The following PTAFR variants were observed in gnomAD, a reference collection of about 807,000 sequenced individuals.
PTAFR encodes platelet-activating factor receptor.
A neutral mutation model predicts 14.7 loss-of-function variants in PTAFR; 8 were observed. That is an observed-to-expected ratio of 0.54 (90% CI 0.32 to 0.98). The LOEUF (loss-of-function observed/expected upper bound fraction) is 0.98, where lower values mean the gene tolerates loss of function less well. PTAFR is among the 50% of genes least tolerant of loss of function. PTAFR has a pLI of 0.04. For synonymous variants in PTAFR, 156 were observed against 176.5 expected (o/e 0.88, Z 0.92); for missense variants, 337 against 451.2 (o/e 0.75, Z 2.29).
At chr1:28,184,920 G>T (rs1380286147) in intron 1 of PTAFR, among the ~76,000 whole-genome samples, 2 of 151,768 alleles carry the variant, frequency 1.3e-5, no homozygotes, top group South Asian at 4.2e-4. Context: ...GATTACAGGC[G>T]TAAGCCACCA....
At position 28,154,829 on chromosome 1, in the gene PTAFR, A is replaced by AAG. The variant is rs1553164372; in HGVS notation, c.-38-3771_-38-3770insCT. On this transcript the variant is annotated intron_variant, in intron 1 of 1. Coordinates refer to ENST00000373857, the MANE Select transcript of PTAFR (RefSeq NM_000952.5). ...TCTGTCTCAAAAAAAAAAAAAAAAA[A>AAG]AAGTGGGGGGGGAGGGAGGGCAGCA... Among the ~76,000 whole-genome samples the AAG allele has an allele frequency of 4.7e-4, 67 of 142,384 alleles. 1 individual carries two copies. Among genetic ancestry groups the AAG allele is most frequent in the African/African-American group, 1.7e-3 (67 of 38,340 alleles). The allele number at this position is 142,384 out of a possible 152,430, so 93.4% of individuals were successfully genotyped here.
rs1160083639 is a variant in PTAFR at position 28,186,548 on chromosome 1, A to G, written c.-39+7174T>C. The stretch of plus-strand genomic sequence containing the variant: ...AGTAGCTGAGAAATTTTTGAAGAAC[A>G]AGGGCATATATATGAACAACAAGGA... On this transcript the variant is annotated intron_variant, in intron 1 of 1. Coordinates refer to the PTAFR transcript ENST00000305392. Among the ~76,000 whole-genome samples, 3 of 152,220 alleles carry G rather than the reference A, an allele frequency of 2.0e-5. No individual in the cohort carries two copies. The South Asian group carries it at 6.2e-4, about 32-fold the overall frequency.
chr1:28,167,379 A>G (rs1167267974), intron 1 of PTAFR, among the ~76,000 whole-genome samples: 1 of 152,200 alleles, frequency 6.6e-6, no homozygotes, highest in East Asian at 1.9e-4. Context: ...ACTGATCATC[A>G]GAGAAATGCA....
intron 1 of PTAFR, among the ~76,000 whole-genome samples, chr1:28,157,227 C>T (rs1359889680): frequency 6.6e-6 from 1 of 152,134 alleles, no homozygotes; most frequent in Non-Finnish European, 1.5e-5. Flanking sequence ...GCAACCTCCA[C>T]CTCCTGGGCT....
At chr1:28,169,678 T>C (rs1052167396) in intron 1 of PTAFR, among the ~76,000 whole-genome samples, 2 of 152,132 alleles carry the variant, frequency 1.3e-5, no homozygotes, top group Non-Finnish European at 2.9e-5. Context: ...CAGAGTGGTG[T>C]GAAGAGTCAA....
intron 1 of PTAFR, among the ~76,000 whole-genome samples, chr1:28,192,624 T>G (rs1379241997): frequency 1.0e-4 from 15 of 148,550 alleles, no homozygotes; most frequent in Admixed American, 1.0e-3. Flanking sequence ...AGGAGGCATG[T>G]GGTAAATGCT....
At chr1:28,173,757 A>G (rs1212988216) in intron 1 of PTAFR, among the ~76,000 whole-genome samples, 1 of 151,554 alleles carries the variant, frequency 6.6e-6, no homozygotes, top group Non-Finnish European at 1.5e-5. Flanking sequence ...GGCCCTGAAG[A>G]TCTCCCACCT....
At chr1:28,178,295 CTG>C (rs1646535030), upstream of PTAFR, among the ~76,000 whole-genome samples, 1 of 151,888 alleles carries the variant, frequency 6.6e-6, no homozygotes, top group Non-Finnish European at 1.5e-5. Context: ...GAGTCTCACT[CTG>C]TCTCCCAGGC....
chr1:28,183,124 T>G (rs80298610), intron 1 of PTAFR, among the ~76,000 whole-genome samples: 8 of 152,318 alleles, frequency 5.3e-5, no homozygotes, highest in Admixed American at 4.6e-4. Context: ...CCCAATGTTA[T>G]GTAGTGGATA....
intron 1 of PTAFR, among the ~76,000 whole-genome samples, chr1:28,183,535 G>C (rs1332612311): frequency 6.6e-6 from 1 of 152,222 alleles, no homozygotes; most frequent in African/African-American, 2.4e-5. Flanking sequence ...AGCTAAGGTG[G>C]GAGGATCACT....
At chr1:28,169,837 T>C (rs991609848) in intron 1 of PTAFR, among the ~76,000 whole-genome samples, 7 of 151,966 alleles carry the variant, frequency 4.6e-5, no homozygotes, top group African/African-American at 1.7e-4. Flanking sequence ...CTATCTCTAC[T>C]AAAAATACAA....
At chr1:28,189,536 C>G (rs182619008) in intron 1 of PTAFR, among the ~76,000 whole-genome samples, 216 of 151,866 alleles carry the variant, frequency 1.4e-3, no homozygotes, top group African/African-American at 4.8e-3. Flanking sequence ...TCGCTTGAAC[C>G]CAGGAGGTGG....
chr1:28,191,883 T>G (rs1646656689), intron 1 of PTAFR, among the ~76,000 whole-genome samples: 1 of 151,450 alleles, frequency 6.6e-6, no homozygotes, highest in Admixed American at 6.6e-5. Context: ...CTAGGCAACA[T>G]GATGAAACCC....
At chr1:28,156,462 T>G (rs1304916639) in intron 1 of PTAFR, among the ~76,000 whole-genome samples, 5 of 152,174 alleles carry the variant, frequency 3.3e-5, no homozygotes, top group African/African-American at 1.2e-4. Context: ...AAAATGTAAA[T>G]CAATCCACTT....
At chr1:28,182,774 G>A (rs1231267056) in intron 1 of PTAFR, among the ~76,000 whole-genome samples, 2 of 152,062 alleles carry the variant, frequency 1.3e-5, no homozygotes, top group Non-Finnish European at 2.9e-5. Context: ...TCCGCCTCCC[G>A]CTTTCAAGTG....
intron 1 of PTAFR, among the ~76,000 whole-genome samples, chr1:28,164,171 A>G (rs1243452790): frequency 1.3e-5 from 2 of 152,212 alleles, no homozygotes; most frequent in Non-Finnish European, 2.9e-5. Flanking sequence ...AGAAGGAGGT[A>G]TGTGCTGGTT....
chr1:28,183,348 A>G (rs2149007034), intron 1 of PTAFR, among the ~76,000 whole-genome samples: 1 of 152,354 alleles, frequency 6.6e-6, no homozygotes, highest in East Asian at 1.9e-4. Flanking sequence ...AATATTTATA[A>G]AATAACGAGC....
At chr1:28,168,204 C>A (rs577961849) in intron 1 of PTAFR, among the ~76,000 whole-genome samples, 1 of 151,078 alleles carries the variant, frequency 6.6e-6, no homozygotes, top group African/African-American at 2.4e-5. Flanking sequence ...ATCTGCTGAC[C>A]TCGTGATCCG....
chr1:28,181,690 C>T (rs556187865), upstream of PTAFR, among the ~76,000 whole-genome samples: 402 of 151,748 alleles, frequency 2.6e-3, 2 homozygotes, highest in African/African-American at 9.2e-3. Flanking sequence ...TGCGGTGAGC[C>T]GAGATTGCAC....
Sources: allele counts gnomAD v4.1 joint callset (sites outside exome capture counted in the v4.1 genomes callset), GRCh38; gene constraint gnomAD v4.1.1; transcripts MANE v1.5; gene names NCBI Gene and HGNC (gene_info 2026-07-23, HGNC 2026-07-21).